The following TEX14 variants were observed in gnomAD, a reference collection of about 807,000 sequenced individuals.
TEX14 encodes inactive serine/threonine-protein kinase TEX14.
A neutral mutation model predicts 178.6 loss-of-function variants in TEX14; 168 were observed. That is an observed-to-expected ratio of 0.94 (90% CI 0.83 to 1.07). The LOEUF (loss-of-function observed/expected upper bound fraction) is 1.07, where lower values mean the gene tolerates loss of function less well. TEX14 is among the 50% of genes least tolerant of loss of function. The pLI is 0.00. For missense variants in TEX14, 1,730 were observed against 1,753.6 expected, an observed-to-expected ratio of 0.99 and a Z score of 0.24; for synonymous variants, 626 against 634.1, an observed-to-expected ratio of 0.99 and a Z score of 0.19.
chr17:58,571,901 C>A lies in TEX14; in HGVS notation c.3717+20G>T. The A allele has an allele frequency of 6.2e-7, 1 of 1,607,414 alleles. No individual in the cohort carries two copies. Among genetic ancestry groups the A allele is most frequent in the Non-Finnish European group, 8.5e-7 (1 of 1,174,854 alleles). On this transcript the variant is annotated intron_variant, in intron 24 of 31. Transcript: ENST00000349033. ...TTGGGCTGACTCCATGAGTTTGTAA[C>A]GTGGAATTGATATACTTACAAGACC...
intron 1 of TEX14, chr17:58,679,564 T>G (rs532095148): frequency 6.6e-6 from 1 of 152,106 alleles, no homozygotes; most frequent in South Asian, 2.1e-4. Context: ...TACCACAAAT[T>G]ATGCAATTAA....
Position 58,633,892 on chromosome 17 carries a change from C to T in TEX14, c.137-3338G>A, listed in dbSNP as rs1260787212. Among the ~76,000 whole-genome samples the T allele has an allele frequency of 2.7e-5, 4 of 150,220 alleles. No individual in the cohort carries two copies. The South Asian group carries it at 6.4e-4, about 24-fold the overall frequency. On this transcript the variant is annotated intron_variant, in intron 2 of 31. Transcript: ENST00000349033. The stretch of plus-strand genomic sequence containing the variant: ...CTGAGGCAGGAGAATCACTTGAACC[C>T]GGGAGGCAGAGGTTGCAGTGAGCCG...
At chr17:58,655,721 T>C (rs1218477314) in intron 1 of TEX14, among the ~76,000 whole-genome samples, 1 of 152,202 alleles carries the variant, frequency 6.6e-6, no homozygotes, top group Non-Finnish European at 1.5e-5. Flanking sequence ...AACCCTGACA[T>C]TTCGGCACCC....
At position 58,599,533 on chromosome 17, in the gene TEX14, T is replaced by G; in HGVS notation, c.1812A>C (p.Ala604=). The G allele has an allele frequency of 6.2e-7, 1 of 1,614,118 alleles. No homozygotes were observed. Among genetic ancestry groups the G allele is most frequent in the East Asian group, 2.2e-5 (1 of 44,870 alleles). The part of the protein sequence containing the change: ...QDAPCPAPFM[A]EEASSPSTGQ... ...CTGTGCTGGGGCTGCTGGCCTCTTCTGCCATAAATGGAGCAGGGCAAGGAG... is the reference window on the plus strand; with the variant it reads ...CTGTGCTGGGGCTGCTGGCCTCTTCGGCCATAAATGGAGCAGGGCAAGGAG... The change falls in exon 14 of 32, where the codon GCA becomes GCC. Residue 604 remains alanine, a synonymous_variant. Transcript: ENST00000349033.
chr17:58,598,521 G>C (rs1275739166), intron 14 of TEX14, among the ~76,000 whole-genome samples: 1 of 152,158 alleles, frequency 6.6e-6, no homozygotes, highest in African/African-American at 2.4e-5. Flanking sequence ...GGTTCAATTT[G>C]ATACATACGA....
intron 1 of TEX14, among the ~76,000 whole-genome samples, chr17:58,656,785 T>G (rs2046975427): frequency 6.7e-6 from 1 of 149,470 alleles, no homozygotes; most frequent in South Asian, 2.1e-4. Flanking sequence ...TGGCCAGGCG[T>G]GGTGGCAAGC....
At position 58,613,438 on chromosome 17, in the gene TEX14, T is replaced by C. The variant is rs759361344; in HGVS notation, c.988A>G (p.Ser330Gly). 4 of 1,613,976 alleles carry C rather than the reference T, an allele frequency of 2.5e-6. No homozygotes were observed. In the African/African-American group the frequency reaches 4.0e-5, roughly 16 times the overall value. The change falls in exon 9 of 32, where the codon AGT (serine) becomes GGT (glycine). Residue 330 changes from serine (S) to glycine (G), a missense_variant. This residue lies in a region of TEX14 where 789 missense variants were observed against 681.2 expected (regional missense o/e 1.16). Transcript: ENST00000349033. ...CAGTTTACTCGTTCATGAAGGACACTGAACAATGTGCCGATAGTGATGCGC... is the reference window on the plus strand; with the variant it reads ...CAGTTTACTCGTTCATGAAGGACACCGAACAATGTGCCGATAGTGATGCGC... ...YERITIGTLF[S>G]VLHERRSQFP...
intron 1 of TEX14, among the ~76,000 whole-genome samples, chr17:58,684,462 C>T: frequency 7.4e-6 from 1 of 135,918 alleles, no homozygotes; most frequent in South Asian, 2.4e-4. Flanking sequence ...AACTCCGTCC[C>T]AAAAAAAAAA....
At chr17:58,631,705 C>A (rs185850234) in intron 2 of TEX14, 4 of 151,326 alleles carry the variant, frequency 2.6e-5, no homozygotes, top group Non-Finnish European at 2.9e-5. Flanking sequence ...TAGAATAACG[C>A]AACACCAAAC....
intron 3 of TEX14, among the ~76,000 whole-genome samples, chr17:58,629,156 G>C (rs938634478): frequency 5.9e-5 from 9 of 152,162 alleles, no homozygotes; most frequent in Non-Finnish European, 1.3e-4. Flanking sequence ...AAAAGCCGAA[G>C]TGCTTCACAA....
At chr17:58,646,167 A>C (rs2046702694) in intron 2 of TEX14, among the ~76,000 whole-genome samples, 1 of 152,234 alleles carries the variant, frequency 6.6e-6, no homozygotes, top group African/African-American at 2.4e-5. Context: ...AAACAATGTA[A>C]AGAGGTATAG....
chr17:58,677,661 C>T lies in TEX14; in HGVS notation c.-2+14278G>A, dbSNP rs2047416309. 4 of 152,222 alleles carry T rather than the reference C, an allele frequency of 2.6e-5. No individual in the cohort carries two copies. In the South Asian group the frequency reaches 8.3e-4, roughly 32 times the overall value. 9.4% of individuals were successfully genotyped at this position (152,222 alleles called of 1,614,324 possible). A position where few individuals can be genotyped will look rare whatever the true frequency, so the allele number is the denominator to read the frequency against. ...TGGGGAAATCACAGGGGCCAGCAAA[C>T]ACAGAATGCAATGAGTGAACCTTGC... On this transcript the variant is annotated intron_variant, in intron 1 of 31. Transcript: ENST00000349033.
intron 26 of TEX14, among the ~76,000 whole-genome samples, chr17:58,566,484 C>CT (rs1224815208): frequency 4.6e-5 from 7 of 152,122 alleles, no homozygotes. Flanking sequence ...ATATTTCATA[C>CT]TTTTTTCCTG....
At chr17:58,652,515 T>C (rs2046861531) in intron 1 of TEX14, among the ~76,000 whole-genome samples, 1 of 152,188 alleles carries the variant, frequency 6.6e-6, no homozygotes, top group Non-Finnish European at 1.5e-5. Flanking sequence ...GCCATGATTT[T>C]AAGTTCCCTG....
chr17:58,667,844 G>T (rs987848320), intron 1 of TEX14, among the ~76,000 whole-genome samples: 1 of 149,304 alleles, frequency 6.7e-6, no homozygotes, highest in African/African-American at 2.5e-5. Flanking sequence ...AATGAGCCGT[G>T]ATCATGCCAC....
rs767553258 is a variant in TEX14, at chr17:58,621,790, CA to C, written c.418-5del. ...AGCGCTGCATGAACTCCACTATCTG[CA>C]AAACATCGCAGAGATGCCCAGTGCG... is the stretch of plus-strand genomic sequence containing the variant. On this transcript the variant is annotated splice_polypyrimidine_tract_variant and splice_region_variant and intron_variant, in intron 4 of 31. Transcript: ENST00000349033. 2.2e-5 allele frequency: 35 copies of C among 1,611,238 alleles called. No individual in the cohort carries two copies. Among genetic ancestry groups the C allele is most frequent in the Middle Eastern group, 1.6e-4 (1 of 6,062 alleles).
At chr17:58,562,607 C>A (rs552958508) in intron 28 of TEX14, among the ~76,000 whole-genome samples, 1 of 152,180 alleles carries the variant, frequency 6.6e-6, no homozygotes, top group East Asian at 1.9e-4. Context: ...CAGGTTCAAG[C>A]GATTCTCCTG....
intron 23 of TEX14, 117 bp downstream of exon 23, chr17:58,573,064 A>T: frequency 2.1e-6 from 3 of 1,427,820 alleles, no homozygotes; most frequent in Non-Finnish European, 2.8e-6. Context: ...CCTAAAGAAA[A>T]ACCTTTGCAC....
chr17:58,563,064 C>A (rs58204213), intron 28 of TEX14, among the ~76,000 whole-genome samples: 1,776 of 98,740 alleles, frequency 0.018, 42 homozygotes, highest in African/African-American at 0.07. Context: ...CAATGTGAGA[C>A]TCTGTCTCAA....
Sources: gnomAD v4.1 joint callset for allele counts (sites outside exome capture counted in the v4.1 genomes callset) on GRCh38, gnomAD v4.1.1 for gene constraint, gnomAD v4.1.1 regional missense constraint, MANE v1.5 for transcripts, NCBI Gene and HGNC (gene_info 2026-07-23, HGNC 2026-07-21) for gene names.